The following JAZF1 variants were observed in gnomAD, a reference collection of about 807,000 sequenced individuals.
JAZF1 encodes JAZF zinc finger 1.
In JAZF1, 8 loss-of-function variants were observed where a neutral mutation model predicts 26.4. The ratio of observed to expected loss-of-function variants is 0.30; its 90% confidence interval spans 0.18 to 0.55. The LOEUF is 0.55. JAZF1 is among the 20% of genes least tolerant of loss of function. The pLI, the probability that JAZF1 is intolerant of heterozygous loss-of-function variation, is 0.94. For missense variants in JAZF1, 199 were observed against 322.0 expected, an observed-to-expected ratio of 0.62 and a Z score of 2.92; for synonymous variants, 126 against 122.3, an observed-to-expected ratio of 1.03 and a Z score of -0.20.
chr7:28,159,096 A>G (rs969141253), intron 1 of JAZF1, among the ~76,000 whole-genome samples: 3 of 152,100 alleles, frequency 2.0e-5, no homozygotes, highest in Admixed American at 2.0e-4. Context: ...TCGATAGAGG[A>G]AAGTTTTATG....
At chr7:28,179,690 G>A (rs1783605450) in intron 1 of JAZF1, among the ~76,000 whole-genome samples, 2 of 148,380 alleles carry the variant, frequency 1.3e-5, no homozygotes, top group African/African-American at 4.9e-5. Context: ...CGCCAGGCCG[G>A]GGCAGGGGAG....
At chr7:28,095,821 G>C (rs543983676) in intron 1 of JAZF1, among the ~76,000 whole-genome samples, 171 of 152,320 alleles carry the variant, frequency 1.1e-3, no homozygotes, top group Non-Finnish European at 2.2e-3. Flanking sequence ...CAATTCTGGA[G>C]GGCAGAAGTC....
At chr7:28,041,674 T>C (rs1276428877) in intron 1 of JAZF1, among the ~76,000 whole-genome samples, 1 of 152,184 alleles carries the variant, frequency 6.6e-6, no homozygotes, top group African/African-American at 2.4e-5. Flanking sequence ...GAGTTAACAA[T>C]CTTGATTCCA....
chr7:27,867,234 T>C (rs961357663), intron 3 of JAZF1, among the ~76,000 whole-genome samples: 1 of 152,100 alleles, frequency 6.6e-6, no homozygotes, highest in Non-Finnish European at 1.5e-5. Flanking sequence ...AATGTTGCAA[T>C]GATCAAGATG....
At chr7:27,950,486 G>A (rs554183085) in intron 2 of JAZF1, among the ~76,000 whole-genome samples, 1 of 152,250 alleles carries the variant, frequency 6.6e-6, no homozygotes, top group South Asian at 2.1e-4. Flanking sequence ...CCAATGAAAA[G>A]CCACTATCAC....
intron 3 of JAZF1, among the ~76,000 whole-genome samples, chr7:27,861,305 GA>G (rs1239253363): frequency 6.6e-6 from 1 of 151,864 alleles, no homozygotes; most frequent in Non-Finnish European, 1.5e-5. Context: ...AAATTTCTTT[GA>G]AAAAAATTTT....
At chr7:27,904,074 G>A (rs1268036922) in intron 2 of JAZF1, among the ~76,000 whole-genome samples, 1 of 152,162 alleles carries the variant, frequency 6.6e-6, no homozygotes, top group African/African-American at 2.4e-5. Flanking sequence ...CTAACATGGA[G>A]AGTAAGGATT....
chr7:28,148,588 T>C (rs959619997), intron 1 of JAZF1, among the ~76,000 whole-genome samples: 5 of 152,248 alleles, frequency 3.3e-5, no homozygotes, highest in African/African-American at 1.2e-4. Context: ...TGAGTATTTC[T>C]TGACTTGACT....
chr7:28,021,391 CT>C (rs1387568491), intron 1 of JAZF1, among the ~76,000 whole-genome samples: 1 of 152,174 alleles, frequency 6.6e-6, no homozygotes, highest in African/African-American at 2.4e-5. Context: ...CTCTCAAAAC[CT>C]TGTTTTCTTC....
At chr7:28,036,749 C>A (rs952290694) in intron 1 of JAZF1, among the ~76,000 whole-genome samples, 9 of 152,198 alleles carry the variant, frequency 5.9e-5, no homozygotes, top group Non-Finnish European at 1.3e-4. Context: ...AGGTTCCTAA[C>A]CCTGCCTGGG....
chr7:27,977,281 T>C lies in JAZF1; in HGVS notation c.188+14628A>G, dbSNP rs374803270. On this transcript the variant is annotated intron_variant, in intron 2 of 4. Transcript: ENST00000283928. Reference sequence around the variant, plus strand: ...TTTCATGCTGATCATGTTGAACTTGTATAGGTCTAGACTTATACTTTATTA... The same window carrying C: ...TTTCATGCTGATCATGTTGAACTTGCATAGGTCTAGACTTATACTTTATTA... 2.6e-5 allele frequency among the ~76,000 whole-genome samples: 4 copies of C among 152,346 alleles called. No homozygotes were observed. The East Asian group carries it at 7.7e-4, about 29-fold the overall frequency.
At chr7:27,980,103 T>C (rs1362241286) in intron 2 of JAZF1, among the ~76,000 whole-genome samples, 1 of 152,216 alleles carries the variant, frequency 6.6e-6, no homozygotes, top group Non-Finnish European at 1.5e-5. Context: ...TCCTCTTACT[T>C]TTCTATCCTC....
At chr7:28,160,700 C>T (rs1384477519) in intron 1 of JAZF1, among the ~76,000 whole-genome samples, 5 of 152,120 alleles carry the variant, frequency 3.3e-5, no homozygotes, top group Non-Finnish European at 4.4e-5. Flanking sequence ...AGGAAGGTCA[C>T]GATATATTTA....
At chr7:27,926,298 A>C (rs1490380627) in intron 2 of JAZF1, among the ~76,000 whole-genome samples, 2 of 152,064 alleles carry the variant, frequency 1.3e-5, no homozygotes, top group African/African-American at 4.8e-5. Context: ...GGACCTGCAA[A>C]CCCCCCAAAT....
chr7:28,079,711 A>T (rs1784105886), intron 1 of JAZF1, among the ~76,000 whole-genome samples: 1 of 152,248 alleles, frequency 6.6e-6, no homozygotes, highest in South Asian at 2.1e-4. Flanking sequence ...GAAACATTTA[A>T]TTGTACTCAC....
chr7:28,132,845 C>G (rs1229444507), intron 1 of JAZF1, among the ~76,000 whole-genome samples: 2 of 152,130 alleles, frequency 1.3e-5, no homozygotes, highest in African/African-American at 2.4e-5. Context: ...CACTGCCCCC[C>G]ACCCCTACCC....
intron 2 of JAZF1, among the ~76,000 whole-genome samples, chr7:27,944,971 T>C (rs1456844846): frequency 6.6e-6 from 1 of 152,098 alleles, no homozygotes; most frequent in African/African-American, 2.4e-5. Flanking sequence ...TGACTGGTAA[T>C]ACATTTCGGA....
intron 2 of JAZF1, among the ~76,000 whole-genome samples, chr7:27,917,848 C>G (rs193025278): frequency 6.6e-6 from 1 of 152,288 alleles, no homozygotes; most frequent in Admixed American, 6.5e-5. Context: ...TGTATTCTGG[C>G]TAAAGATTAC....
In JAZF1 at chr7:27,991,908, C is replaced by G; in HGVS notation, c.188+1G>C. ...TATAATAAATTCTGAAAATGGCTTA[C>G]CTATTTATGTAACTCAGGGCAACAT... On this transcript the variant is annotated splice_donor_variant, in intron 2 of 4. Transcript: ENST00000283928. LOFTEE classifies it high-confidence loss of function. 1 of 1,552,132 alleles carries G rather than the reference C, an allele frequency of 6.4e-7. No homozygotes were observed. Among genetic ancestry groups the G allele is most frequent in the Non-Finnish European group, 8.8e-7 (1 of 1,130,956 alleles).
Sources: allele counts gnomAD v4.1 joint callset (sites outside exome capture counted in the v4.1 genomes callset), GRCh38; gene constraint gnomAD v4.1.1; transcripts MANE v1.5; gene names NCBI Gene and HGNC (gene_info 2026-07-23, HGNC 2026-07-21).